CA8: variants seen among roughly 807,000 people sequenced by gnomAD.
The protein encoded by CA8 is carbonic anhydrase-related protein.
Under a neutral mutation model 41.4 loss-of-function variants are expected in CA8, and 22 were observed. The observed-to-expected ratio is 0.53, with a 90% CI of 0.38 to 0.76. The LOEUF (loss-of-function observed/expected upper bound fraction) is 0.76. Among genes scored for constraint, CA8 ranks in the 30% least tolerant of loss-of-function variants. The pLI is 0.00. For missense variants in CA8, 270 were observed against 352.8 expected (o/e 0.77, Z 1.88); for synonymous variants, 121 against 130.6 (o/e 0.93, Z 0.50).
intron 2 of CA8, among the ~76,000 whole-genome samples, chr8:60,271,329 G>GA (rs994854773): frequency 1.6e-4 from 24 of 147,226 alleles, no homozygotes; most frequent in Admixed American, 1.0e-3. Context: ...ATGAGAGCCT[G>GA]AAAAAAAAAA....
At chr8:60,274,863 G>A (rs548211707) in intron 2 of CA8, among the ~76,000 whole-genome samples, 3 of 152,286 alleles carry the variant, frequency 2.0e-5, no homozygotes, top group African/African-American at 7.2e-5. Flanking sequence ...AAAGACTCAG[G>A]AGGTGGAAGC....
intron 3 of CA8, among the ~76,000 whole-genome samples, chr8:60,252,110 T>G (rs1218367759): frequency 6.6e-6 from 1 of 152,158 alleles, no homozygotes; most frequent in Admixed American, 6.5e-5. Context: ...TTTAAAAAAT[T>G]TATAAAGATA....
At chr8:60,244,905 A>AT (rs1000661720) in intron 3 of CA8, among the ~76,000 whole-genome samples, 5 of 152,230 alleles carry the variant, frequency 3.3e-5, no homozygotes, top group African/African-American at 1.2e-4. Flanking sequence ...GGTACAGTGT[A>AT]TAGGGATGAG....
chr8:60,249,191 G>T (rs1182445219), intron 3 of CA8, among the ~76,000 whole-genome samples: 1 of 152,028 alleles, frequency 6.6e-6, no homozygotes, highest in Non-Finnish European at 1.5e-5. Context: ...TAGAGGTAAC[G>T]TAGCCATCTG....
chr8:60,232,307 C>A lies in CA8; in HGVS notation c.490G>T (p.Ala164Ser), dbSNP rs746839542. Residue 164 changes from alanine (A) to serine (S), a missense_variant, in exon 4 of 9, where the codon GCC becomes TCC. This residue lies in a region of CA8 where 141 missense variants were observed against 191.6 expected (regional missense o/e 0.74). Coordinates refer to ENST00000317995, the MANE Select transcript of CA8 (RefSeq NM_004056.6). ...ACCTGAACAAACAGAGCAATGATGG[C>A]GATTCCGTGCGGCTTCCCCACAGCC... ...DEAVGKPHGI[A>S]IIALFVQIGK... 1.1e-5 allele frequency: 17 copies of A among 1,613,060 alleles called. No homozygotes were observed. The highest frequency in any genetic ancestry group is 1.3e-5 in the African/African-American group (1 of 74,878).
intron 5 of CA8, among the ~76,000 whole-genome samples, chr8:60,226,404 T>C (rs1274346811): frequency 6.6e-6 from 1 of 152,156 alleles, no homozygotes; most frequent in Non-Finnish European, 1.5e-5. Flanking sequence ...CTGTACCAAT[T>C]GGAACAGATA....
At chr8:60,280,755 G>A (rs1250300291) in intron 1 of CA8, among the ~76,000 whole-genome samples, 1 of 152,258 alleles carries the variant, frequency 6.6e-6, no homozygotes, top group African/African-American at 2.4e-5. Flanking sequence ...GTACAGCCAC[G>A]GCTTGGAGGC....
At chr8:60,246,008 T>C (rs532330949) in intron 3 of CA8, among the ~76,000 whole-genome samples, 1 of 152,120 alleles carries the variant, frequency 6.6e-6, no homozygotes, top group Non-Finnish European at 1.5e-5. Flanking sequence ...AGAGCAGATA[T>C]GGGAGCTCCA....
chr8:60,200,080 TGATTG>T (rs1249631713), intron 8 of CA8, among the ~76,000 whole-genome samples: 1 of 152,114 alleles, frequency 6.6e-6, no homozygotes, highest in African/African-American at 2.4e-5. Context: ...AGAGGCCTAG[TGATTG>T]GGATTACTGC....
chr8:60,206,301 G>T (rs776121369), intron 8 of CA8, among the ~76,000 whole-genome samples: 44 of 152,128 alleles, frequency 2.9e-4, no homozygotes, highest in Non-Finnish European at 1.2e-4. Flanking sequence ...AGAATATGAA[G>T]TATGTGAAAT....
At chr8:60,221,350 C>A (rs948849318) in intron 7 of CA8, among the ~76,000 whole-genome samples, 7 of 152,208 alleles carry the variant, frequency 4.6e-5, no homozygotes, top group African/African-American at 1.7e-4. Flanking sequence ...AGAGTAAAGA[C>A]TGTGTTTTAA....
At chr8:60,216,971 C>T (rs1261976029) in intron 7 of CA8, among the ~76,000 whole-genome samples, 1 of 152,166 alleles carries the variant, frequency 6.6e-6, no homozygotes, top group Non-Finnish European at 1.5e-5. Context: ...GCAACTTCCG[C>T]CTCCCAGGTT....
chr8:60,215,562 A>G (rs1806991157), intron 7 of CA8, among the ~76,000 whole-genome samples: 1 of 152,180 alleles, frequency 6.6e-6, no homozygotes, highest in Non-Finnish European at 1.5e-5. Flanking sequence ...CACCTATGGA[A>G]ATAAAAAAAT....
chr8:60,232,310 T>C lies in CA8; in HGVS notation c.487A>G (p.Ile163Val), dbSNP rs969638329. The C allele has an allele frequency of 3.7e-6, 6 of 1,613,732 alleles. No homozygotes were observed. In the African/African-American group the frequency reaches 8.0e-5, roughly 22 times the overall value. ...TGAACAAACAGAGCAATGATGGCGA[T>C]TCCGTGCGGCTTCCCCACAGCCTCA... ...IDEAVGKPHGIAIIALFVQIG... is the reference protein window; with the variant it reads ...IDEAVGKPHGVAIIALFVQIG... Residue 163 changes from isoleucine (I) to valine (V), a missense_variant, in exon 4 of 9, where the codon ATC becomes GTC. By Grantham distance (29) the Ile-to-Val change is conservative. Coordinates refer to ENST00000317995, the MANE Select transcript of CA8 (RefSeq NM_004056.6).
At chr8:60,276,731 C>T (rs1295942953) in intron 2 of CA8, among the ~76,000 whole-genome samples, 1 of 152,222 alleles carries the variant, frequency 6.6e-6, no homozygotes, top group Non-Finnish European at 1.5e-5. Flanking sequence ...AACAAAACCG[C>T]ACTTGTACCC....
chr8:60,197,229 AATGT>A (rs1563518947), intron 8 of CA8, among the ~76,000 whole-genome samples: 1 of 152,186 alleles, frequency 6.6e-6, no homozygotes, highest in Non-Finnish European at 1.5e-5. Flanking sequence ...ACTTAAAAGC[AATGT>A]ATGTAAAACC....
intron 8 of CA8, among the ~76,000 whole-genome samples, chr8:60,207,850 G>A (rs1806686430): frequency 6.6e-6 from 1 of 152,140 alleles, no homozygotes; most frequent in South Asian, 2.1e-4. Context: ...CCACCTCCCA[G>A]GCTCAAGTGA....
intron 7 of CA8, among the ~76,000 whole-genome samples, chr8:60,219,319 C>T (rs1247017267): frequency 2.6e-5 from 4 of 152,018 alleles, no homozygotes; most frequent in East Asian, 1.9e-4. Context: ...CCACCACACC[C>T]GGCTAATTTT....
At chr8:60,196,678 TTC>T (rs1370046614) in intron 8 of CA8, among the ~76,000 whole-genome samples, 1 of 152,168 alleles carries the variant, frequency 6.6e-6, no homozygotes, top group Admixed American at 6.6e-5. Context: ...GGATTCCTTT[TTC>T]TCTTTTATTT....
Sources: allele counts gnomAD v4.1 joint callset (sites outside exome capture counted in the v4.1 genomes callset), GRCh38; gene constraint gnomAD v4.1.1; regional missense constraint gnomAD v4.1.1; transcripts MANE v1.5; gene names NCBI Gene and HGNC (gene_info 2026-07-23, HGNC 2026-07-21).